ACSS3: variants seen among roughly 807,000 people sequenced by gnomAD.
The protein encoded by ACSS3 is acyl-CoA synthetase short chain family member 3.
ACSS3 carries 64 observed loss-of-function variants against 84.2 expected under a neutral mutation model. The ratio of observed to expected loss-of-function variants is 0.76; its 90% CI spans 0.62 to 0.94. The LOEUF is 0.94. Among genes scored for constraint, ACSS3 ranks in the 40% least tolerant of loss-of-function variants. The pLI is 0.00. For synonymous variants in ACSS3, 317 were observed against 310.1 expected, an observed-to-expected ratio of 1.02 and a Z score of -0.23; for missense variants, 815 against 867.6, an observed-to-expected ratio of 0.94 and a Z score of 0.76.
At chr12:81,131,891 G>A (rs926451393) in intron 2 of ACSS3, among the ~76,000 whole-genome samples, 10 of 152,174 alleles carry the variant, frequency 6.6e-5, no homozygotes, top group African/African-American at 2.4e-4. Flanking sequence ...TAATCATGTG[G>A]TTTTTGTCTT....
chr12:81,214,059 T>C (rs561629939), intron 9 of ACSS3, among the ~76,000 whole-genome samples: 53 of 150,392 alleles, frequency 3.5e-4, no homozygotes, highest in Non-Finnish European at 6.6e-4. Context: ...GGAGTCTTGC[T>C]CTGTCACCCA....
Position 81,254,726 on chromosome 12 carries a change from CTATTTT to C in ACSS3, c.1996-128_1996-123del, listed in dbSNP as rs1369979987. On this transcript the variant is annotated intron_variant, in intron 15 of 15. Coordinates refer to ENST00000548058, the MANE Select transcript of ACSS3 (RefSeq NM_024560.4). ...ATTAATATATTAGGTTCAAAGTTCC[CTATTTT>C]TAAACTTTCCATATGAATATTACAA... 1.2e-5 allele frequency: 8 copies of C among 658,212 alleles called. No individual in the cohort carries two copies. In the East Asian group the frequency reaches 2.4e-4, roughly 20 times the overall value. The allele number at this position is 658,212 out of a possible 1,614,324, so 40.8% of individuals were successfully genotyped here.
chr12:81,216,347 G>A, intron 9 of ACSS3, among the ~76,000 whole-genome samples: 1 of 151,862 alleles, frequency 6.6e-6, no homozygotes, highest in Non-Finnish European at 1.5e-5. Context: ...TATACCTAAT[G>A]CTAAATGACG....
At chr12:81,166,220 G>C (rs1226888848) in intron 7 of ACSS3, among the ~76,000 whole-genome samples, 2 of 152,172 alleles carry the variant, frequency 1.3e-5, no homozygotes. Context: ...ATATTGAGAA[G>C]GAGGTTAGGG....
intron 8 of ACSS3, among the ~76,000 whole-genome samples, chr12:81,178,484 A>C (rs996630878): frequency 3.3e-5 from 5 of 151,684 alleles, no homozygotes; most frequent in Admixed American, 2.6e-4. Context: ...ATAAAAAAAA[A>C]CATTTCTATA....
At chr12:81,117,421 GAAAGT>G (rs1390861252) in intron 2 of ACSS3, among the ~76,000 whole-genome samples, 2 of 152,136 alleles carry the variant, frequency 1.3e-5, no homozygotes, top group Non-Finnish European at 2.9e-5. Context: ...GCTTGTCAGG[GAAAGT>G]ACTTGTCACT....
At chr12:81,117,042 T>C (rs1423886810) in intron 2 of ACSS3, among the ~76,000 whole-genome samples, 1 of 152,182 alleles carries the variant, frequency 6.6e-6, no homozygotes, top group Non-Finnish European at 1.5e-5. Flanking sequence ...ATTCTTACAT[T>C]TGCTTAATGC....
chr12:81,105,361 G>A (rs1404507234), intron 1 of ACSS3, among the ~76,000 whole-genome samples: 1 of 152,042 alleles, frequency 6.6e-6, no homozygotes, highest in African/African-American at 2.4e-5. Context: ...GAAAACTCAG[G>A]AATGGGCTCA....
intron 9 of ACSS3, among the ~76,000 whole-genome samples, chr12:81,207,127 T>G (rs1046532880): frequency 6.6e-6 from 1 of 152,114 alleles, no homozygotes; most frequent in African/African-American, 2.4e-5. Context: ...CTCCTCCTAC[T>G]CTGGGCAAGG....
chr12:81,203,745 T>G (rs897017519), intron 9 of ACSS3, among the ~76,000 whole-genome samples: 1 of 152,192 alleles, frequency 6.6e-6, no homozygotes, highest in South Asian at 2.1e-4. Context: ...TTGTCAAGTT[T>G]AGAGAGGAGA....
intron 1 of ACSS3, among the ~76,000 whole-genome samples, chr12:81,086,927 T>A (rs1319940042): frequency 2.0e-5 from 3 of 152,182 alleles, no homozygotes; most frequent in African/African-American, 7.2e-5. Context: ...AAATCCTTTA[T>A]CTAAACTACG....
chr12:81,244,197 C>T (rs2033907516), intron 13 of ACSS3, among the ~76,000 whole-genome samples: 1 of 152,114 alleles, frequency 6.6e-6, no homozygotes, highest in Non-Finnish European at 1.5e-5. Context: ...TTCTTGTTTA[C>T]ATGGTTCCTA....
rs1885960581 is a variant in ACSS3 at position 81,139,231 on chromosome 12, C to A, written c.746C>A (p.Pro249Gln). ...GCGCTAAAAATAGGACAACACAAAC[C>A]AGACAAAATTCTCATTTATAATCGT... is the stretch of plus-strand genomic sequence containing the variant. The part of the protein sequence containing the change: ...EEALKIGQHK[P>Q]DKILIYNRPN... The change falls in exon 4 of 16, where the codon CCA (proline) becomes CAA (glutamine). Residue 249 changes from proline to glutamine, a missense_variant. By Grantham distance (76) the Pro-to-Gln change is moderately conservative. Transcript: ENST00000548058. 1 of 1,613,804 alleles carries A rather than the reference C, an allele frequency of 6.2e-7. No homozygotes were observed. Among genetic ancestry groups the A allele is most frequent in the Non-Finnish European group, 8.5e-7 (1 of 1,179,922 alleles).
At chr12:81,216,577 T>C (rs937527868) in intron 9 of ACSS3, among the ~76,000 whole-genome samples, 2 of 152,302 alleles carry the variant, frequency 1.3e-5, no homozygotes, top group Admixed American at 6.5e-5. Flanking sequence ...GTGTGTGTTA[T>C]GGAACCGTCC....
chr12:81,105,650 A>G (rs1390066997), intron 1 of ACSS3, among the ~76,000 whole-genome samples: 1 of 152,226 alleles, frequency 6.6e-6, no homozygotes, highest in East Asian at 1.9e-4. Flanking sequence ...AAGTTTAGTA[A>G]CATTCTCATT....
At chr12:81,224,572 ACATG>A (rs930195086) in intron 11 of ACSS3, among the ~76,000 whole-genome samples, 2 of 80,960 alleles carry the variant, frequency 2.5e-5, no homozygotes, top group African/African-American at 8.4e-5. Context: ...ACACACACAC[ACATG>A]TGTGTGTGTG....
rs777212334 is a variant in ACSS3, at chr12:81,151,926, T to C, written c.1002+2T>C. 3 of 1,613,768 alleles carry C rather than the reference T, an allele frequency of 1.9e-6. No homozygotes were observed. Among genetic ancestry groups the C allele is most frequent in the Non-Finnish European group, 2.5e-6 (3 of 1,179,852 alleles). ...ATATACGGACTTCAACCCGGAGAGG[T>C]AATCGTGGTTTTAAATTTACATTAC... On this transcript the variant is annotated splice_donor_variant, in intron 6 of 15. Coordinates refer to ENST00000548058, the MANE Select transcript of ACSS3 (RefSeq NM_024560.4). LOFTEE classifies it high-confidence loss of function.
chr12:81,257,908 T>C lies in ACSS3; in HGVS notation c.*2986T>C, dbSNP rs1275523657. The stretch of plus-strand genomic sequence containing the variant: ...AGTGTCTATTATAGATGATTAATCT[T>C]TCTAACTTGATCTTTAAAAGAAAGA... On this transcript the variant is annotated 3_prime_UTR_variant, in exon 16 of 16. Coordinates refer to ENST00000548058, the MANE Select transcript of ACSS3 (RefSeq NM_024560.4). 1.3e-5 allele frequency: 2 copies of C among 152,162 alleles called. No homozygotes were observed. The highest frequency in any genetic ancestry group is 2.9e-5 in the Non-Finnish European group (2 of 68,004). The allele number at this position is 152,162 out of a possible 1,614,324, so 9.4% of individuals were successfully genotyped here.
In ACSS3 at chr12:81,253,507, C is replaced by G; in HGVS notation, c.1832C>G (p.Thr611Arg). Residue 611 changes from threonine (T) to arginine (R), a missense_variant, in exon 15 of 16, where the codon ACA becomes AGA. By Grantham distance (71) the Thr-to-Arg change is moderately conservative. Coordinates refer to ENST00000548058, the MANE Select transcript of ACSS3 (RefSeq NM_024560.4). ...ACTTTCTCTCTAGATATAAATGCAA[C>G]AGAGGAGCAAGTTTTGGAAGAAATT... is the stretch of plus-strand genomic sequence containing the variant. ...LCVLRKDINA[T>R]EEQVLEEIVK... 1 of 1,613,754 alleles carries G rather than the reference C, an allele frequency of 6.2e-7. No homozygotes were observed. Among genetic ancestry groups the G allele is most frequent in the Non-Finnish European group, 8.5e-7 (1 of 1,179,804 alleles).
Sources: gnomAD v4.1 joint callset for allele counts (sites outside exome capture counted in the v4.1 genomes callset) on GRCh38, gnomAD v4.1.1 for gene constraint, MANE v1.5 for transcripts, NCBI Gene and HGNC (gene_info 2026-07-23, HGNC 2026-07-21) for gene names.